Variants in UBE2QL1 observed in about 807,000 individuals in gnomAD.
UBE2QL1 encodes ubiquitin-conjugating enzyme E2Q-like protein 1.
A neutral mutation model predicts 12.6 loss-of-function variants in UBE2QL1; 5 were observed. That is an observed-to-expected ratio of 0.40 (90% CI 0.21 to 0.83). The LOEUF (loss-of-function observed/expected upper bound fraction) is 0.83. Among genes scored for constraint, UBE2QL1 ranks in the 40% least tolerant of loss-of-function variants. The pLI is 0.37. For synonymous variants in UBE2QL1, 96 were observed against 94.5 expected (o/e 1.02, Z -0.10); for missense variants, 99 against 222.6 (o/e 0.44, Z 3.53).
chr5:6,489,277 A>G (rs1000063200), intron 1 of UBE2QL1, among the ~76,000 whole-genome samples: 1 of 152,004 alleles, frequency 6.6e-6, no homozygotes, highest in African/African-American at 2.4e-5. Context: ...ATAAAAAATT[A>G]GATAAATGTG....
At chr5:6,462,103 A>T (rs182218941) in intron 1 of UBE2QL1, among the ~76,000 whole-genome samples, 32 of 151,986 alleles carry the variant, frequency 2.1e-4, no homozygotes, top group Non-Finnish European at 3.1e-4. Context: ...AGACCACCCC[A>T]TGCTGTCTCT....
chr5:6,449,235 G>A lies in UBE2QL1; in HGVS notation c.342G>A (p.Leu114=), dbSNP rs1023400745. 2.1e-6 allele frequency: 3 copies of A among 1,443,420 alleles called. No individual in the cohort carries two copies. The highest frequency in any genetic ancestry group is 5.8e-5 in the East Asian group (2 of 34,652). The allele number at this position is 1,443,420 out of a possible 1,614,324, so 89.4% of individuals were successfully genotyped here. A position where few individuals can be genotyped will look rare whatever the true frequency, so the allele number is the denominator to read the frequency against. The change falls in exon 1 of 2, where the codon CTG becomes CTA. Residue 114 remains leucine, a synonymous_variant. Transcript: ENST00000399816. ...EAVMRQFAAS[L]VKGQGRICRK... Reference sequence around the variant, plus strand: ...TCATGCGCCAGTTCGCAGCCAGCCTGGTCAAGGGCCAGGTAAGGCGAGCGC... The same window carrying A: ...TCATGCGCCAGTTCGCAGCCAGCCTAGTCAAGGGCCAGGTAAGGCGAGCGC...
At chr5:6,489,876 C>G (rs1734535905) in intron 1 of UBE2QL1, among the ~76,000 whole-genome samples, 1 of 152,206 alleles carries the variant, frequency 6.6e-6, no homozygotes, top group Non-Finnish European at 1.5e-5. Context: ...GAGGCCTGGT[C>G]CCCATTCACA....
chr5:6,449,137 C>T lies in UBE2QL1; in HGVS notation c.244C>T (p.Leu82=). ...LSPRLENGYV[L]DGGAICMELL... ...CCCGCGCCTGGAGAACGGCTACGTGCTGGACGGCGGCGCCATCTGCATGGA... is the reference window on the plus strand; with the variant it reads ...CCCGCGCCTGGAGAACGGCTACGTGTTGGACGGCGGCGCCATCTGCATGGA... Residue 82 remains leucine (L), a synonymous_variant, in exon 1 of 2, where the codon CTG becomes TTG. Transcript: ENST00000399816. 1 of 1,545,424 alleles carries T rather than the reference C, an allele frequency of 6.5e-7. No individual in the cohort carries two copies. Among genetic ancestry groups the T allele is most frequent in the Non-Finnish European group, 8.7e-7 (1 of 1,144,418 alleles).
Position 6,496,512 on chromosome 5 carries a change from G to A in UBE2QL1, c.*5163G>A, listed in dbSNP as rs975226273. ...CACCGCAATTCATGGGGAGACTTTG[G>A]TGTATCCTGTTTCCAGAGTTGTCCT... On this transcript the variant is annotated 3_prime_UTR_variant, in exon 2 of 2. Coordinates refer to ENST00000399816, the MANE Select transcript of UBE2QL1 (RefSeq NM_001145161.3). Among the ~76,000 whole-genome samples, 3 of 152,124 alleles carry A rather than the reference G, an allele frequency of 2.0e-5. No individual in the cohort carries two copies. The highest frequency in any genetic ancestry group is 4.4e-5 in the Non-Finnish European group (3 of 68,016).
In UBE2QL1 at chr5:6,495,528, T is replaced by C. The variant is rs1734651629; in HGVS notation, c.*4179T>C. Among the ~76,000 whole-genome samples the C allele has an allele frequency of 6.6e-6, 1 of 152,196 alleles. No individual in the cohort carries two copies. Among genetic ancestry groups the C allele is most frequent in the Non-Finnish European group, 1.5e-5 (1 of 68,044 alleles). ...CTTACTGTGGCTTTCTGATCCTTTATGTTGCTTCATGAGACTATTAGGCAA... is the reference window on the plus strand; with the variant it reads ...CTTACTGTGGCTTTCTGATCCTTTACGTTGCTTCATGAGACTATTAGGCAA... On this transcript the variant is annotated 3_prime_UTR_variant, in exon 2 of 2. Transcript: ENST00000399816.
chr5:6,460,380 A>G (rs1052325586), intron 1 of UBE2QL1, among the ~76,000 whole-genome samples: 8 of 152,256 alleles, frequency 5.3e-5, no homozygotes, highest in Non-Finnish European at 1.0e-4. Context: ...TATGGCCAAG[A>G]CACAGCAGCC....
chr5:6,479,292 G>A lies in UBE2QL1; in HGVS notation c.355-11926G>A, dbSNP rs539761864. Among the ~76,000 whole-genome samples the A allele has an allele frequency of 2.0e-5, 3 of 152,226 alleles. No individual in the cohort carries two copies. Among genetic ancestry groups the A allele is most frequent in the South Asian group, 2.1e-4 (1 of 4,804 alleles). ...CCAAGAAGAAGGAAAAACATGGAAC[G>A]CTGAGGAAGACCAACTGTGCAGGGA... On this transcript the variant is annotated intron_variant, in intron 1 of 1. Transcript: ENST00000399816. This position sits in a 1 kb window ranked among gnomAD's most constrained non-coding sequence, Gnocchi z 4.2.
intron 1 of UBE2QL1, among the ~76,000 whole-genome samples, chr5:6,483,816 G>T (rs539524200): frequency 6.6e-6 from 1 of 152,178 alleles, no homozygotes; most frequent in Non-Finnish European, 1.5e-5. Context: ...GCTGGTCCAT[G>T]TAGCCATGTG....
intron 1 of UBE2QL1, among the ~76,000 whole-genome samples, chr5:6,454,675 G>A (rs1241362002): frequency 6.6e-6 from 1 of 152,194 alleles, no homozygotes; most frequent in Non-Finnish European, 1.5e-5. Context: ...CCGCAGCTTT[G>A]AGCAGAGAGA....
chr5:6,458,646 G>T (rs1035463980), intron 1 of UBE2QL1, among the ~76,000 whole-genome samples: 6 of 152,198 alleles, frequency 3.9e-5, no homozygotes, highest in African/African-American at 1.2e-4. Context: ...ACTATACCAA[G>T]TAAAGATCAA....
intron 1 of UBE2QL1, among the ~76,000 whole-genome samples, chr5:6,470,603 G>A (rs1739891784): frequency 6.6e-6 from 1 of 152,172 alleles, no homozygotes; most frequent in Non-Finnish European, 1.5e-5. Context: ...TCTGAGGTGT[G>A]CACATCTTTT....
chr5:6,492,417 G>A lies in UBE2QL1; in HGVS notation c.*1068G>A, dbSNP rs1734592852. 1.5e-5 allele frequency: 2 copies of A among 134,320 alleles called. No individual in the cohort carries two copies. The highest frequency in any genetic ancestry group is 1.4e-4 in the Admixed American group (2 of 14,436). 8.3% of individuals were successfully genotyped at this position (134,320 alleles called of 1,614,324 possible). A position where few individuals can be genotyped will look rare whatever the true frequency, so the allele number is the denominator to read the frequency against. ...ACCCTTGCTGTGGTGTAAACTTCCT[G>A]TTATTTAATCTCCCCCACGGTTTCA... On this transcript the variant is annotated 3_prime_UTR_variant, in exon 2 of 2. Transcript: ENST00000399816.
chr5:6,477,856 C>G (rs941224705), intron 1 of UBE2QL1, among the ~76,000 whole-genome samples: 1 of 152,184 alleles, frequency 6.6e-6, no homozygotes. Flanking sequence ...TATCCCATAT[C>G]GCACAAGTTG....
chr5:6,451,652 GCTGT>G (rs762417450), intron 1 of UBE2QL1, among the ~76,000 whole-genome samples: 75 of 152,284 alleles, frequency 4.9e-4, no homozygotes, highest in Non-Finnish European at 9.0e-4. Context: ...CCAACATACA[GCTGT>G]CTAAGAGAGG....
At chr5:6,455,949 G>T (rs1579286677) in intron 1 of UBE2QL1, among the ~76,000 whole-genome samples, 1 of 152,306 alleles carries the variant, frequency 6.6e-6, no homozygotes, top group East Asian at 1.9e-4. Flanking sequence ...AGACTACGAG[G>T]GAGTGTAAAC....
At chr5:6,491,084 C>A in intron 1 of UBE2QL1, 134 bp from the exon 2 acceptor site, 1 of 1,014,540 alleles carries the variant, frequency 9.9e-7, no homozygotes, top group Non-Finnish European at 1.4e-6. Context: ...CTGCCCCCAC[C>A]CTGCTGGTGG....
intron 1 of UBE2QL1, among the ~76,000 whole-genome samples, chr5:6,456,045 C>T (rs781375975): frequency 1.2e-4 from 19 of 152,192 alleles, no homozygotes; most frequent in South Asian, 1.2e-3. Context: ...CCTCCAGAGC[C>T]GTGGCTGACA....
At chr5:6,466,760 A>T (rs1046268029) in intron 1 of UBE2QL1, among the ~76,000 whole-genome samples, 7 of 152,356 alleles carry the variant, frequency 4.6e-5, no homozygotes, top group African/African-American at 1.7e-4. Flanking sequence ...CCGGCCCTAC[A>T]TACATCATGT....
Sources: gnomAD v4.1 joint callset for allele counts (sites outside exome capture counted in the v4.1 genomes callset) on GRCh38, gnomAD v4.1.1 for gene constraint, Gnocchi (gnomAD v3.1) non-coding constraint, MANE v1.5 for transcripts, NCBI Gene and HGNC (gene_info 2026-07-23, HGNC 2026-07-21) for gene names.